Variants in RAP1GAP2 observed in about 807,000 individuals in gnomAD.
RAP1GAP2 encodes the protein RAP1 GTPase activating protein 2.
In RAP1GAP2, 27 loss-of-function variants were observed where a neutral mutation model predicts 95.0. The observed-to-expected ratio is 0.28, with a 90% CI of 0.21 to 0.39. The LOEUF is 0.39. Among genes scored for constraint, RAP1GAP2 ranks in the 10% least tolerant of loss-of-function variants. RAP1GAP2 has a pLI of 1.00. For synonymous variants in RAP1GAP2, 373 were observed against 380.9 expected (o/e 0.98, Z 0.24); for missense variants, 771 against 970.0 (o/e 0.79, Z 2.72).
rs969440141 is a variant in RAP1GAP2, at chr17:2,827,878, C to G, written c.80+27328C>G. Among the ~76,000 whole-genome samples, 1 of 152,092 alleles carries G rather than the reference C, an allele frequency of 6.6e-6. No homozygotes were observed. The highest frequency in any genetic ancestry group is 1.5e-5 in the Non-Finnish European group (1 of 68,016). On this transcript the variant is annotated intron_variant, in intron 2 of 24. Coordinates refer to ENST00000254695, the MANE Select transcript of RAP1GAP2 (RefSeq NM_015085.5). The surrounding 1 kb of genome is among the most constrained non-coding windows in gnomAD (Gnocchi z 4.1). ...TACACGATCGGTTGCAGCAGGCACG[C>G]CAGTGACGGTGGGGGCCCAGGGGGA...
intron 2 of RAP1GAP2, among the ~76,000 whole-genome samples, chr17:2,879,359 A>G (rs1026319356): frequency 6.6e-6 from 1 of 150,502 alleles, no homozygotes; most frequent in Non-Finnish European, 1.5e-5. Flanking sequence ...CAAGTGATCC[A>G]CCCGCCTCGG....
intron 12 of RAP1GAP2, among the ~76,000 whole-genome samples, chr17:2,992,187 G>A (rs1471981870): frequency 6.7e-6 from 1 of 148,746 alleles, no homozygotes; most frequent in Non-Finnish European, 1.5e-5. Flanking sequence ...TTTTGAGATG[G>A]AGTCATGCGC....
chr17:2,967,044 GA>G (rs1242815146), intron 8 of RAP1GAP2, among the ~76,000 whole-genome samples: 1 of 152,126 alleles, frequency 6.6e-6, no homozygotes, highest in East Asian at 1.9e-4. Context: ...GGTGAATATT[GA>G]GAGTTGAACC....
intron 3 of RAP1GAP2, among the ~76,000 whole-genome samples, chr17:2,942,415 T>C (rs1337373959): frequency 6.6e-6 from 1 of 152,202 alleles, no homozygotes; most frequent in Non-Finnish European, 1.5e-5. Context: ...GCTCATAGAA[T>C]GATTACGTTT....
rs968043387 is a variant in RAP1GAP2 at position 3,003,363 on chromosome 17, C to T, written c.1201-2006C>T. On this transcript the variant is annotated intron_variant, in intron 14 of 24. Coordinates refer to ENST00000254695, the MANE Select transcript of RAP1GAP2 (RefSeq NM_015085.5). This position sits in a 1 kb window ranked among gnomAD's most constrained non-coding sequence, Gnocchi z 4.1. ...CAGCTCAGCCATCACCAGGACTACC[C>T]CTTTCCCTCCCCCCTATCCCTGCCT... Among the ~76,000 whole-genome samples, 11 of 151,986 alleles carry T rather than the reference C, an allele frequency of 7.2e-5. No homozygotes were observed. Among genetic ancestry groups the T allele is most frequent in the African/African-American group, 2.4e-4 (10 of 41,288 alleles).
chr17:2,903,204 C>T lies in RAP1GAP2; in HGVS notation c.81-2080C>T, dbSNP rs548267352. Reference sequence around the variant, plus strand: ...GCAGCTGTCATTCTCACCATGGGCCCGAAGAGGACCTGAGGGTGATGCCCT... The same window carrying T: ...GCAGCTGTCATTCTCACCATGGGCCTGAAGAGGACCTGAGGGTGATGCCCT... On this transcript the variant is annotated intron_variant, in intron 2 of 24. Transcript: ENST00000254695. This position sits in a 1 kb window ranked among gnomAD's most constrained non-coding sequence, Gnocchi z 4.1. 5.3e-5 allele frequency among the ~76,000 whole-genome samples: 8 copies of T among 152,248 alleles called. No individual in the cohort carries two copies. Among genetic ancestry groups the T allele is most frequent in the East Asian group, 3.9e-4 (2 of 5,168 alleles).
chr17:2,899,849 T>G (rs1260069085), intron 2 of RAP1GAP2, among the ~76,000 whole-genome samples: 1 of 152,228 alleles, frequency 6.6e-6, no homozygotes, highest in Non-Finnish European at 1.5e-5. Flanking sequence ...TTTGCTTCAT[T>G]TCTTTTTATG....
intron 1 of RAP1GAP2, among the ~76,000 whole-genome samples, chr17:2,790,526 C>T (rs372709201): frequency 1.0e-3 from 154 of 152,286 alleles, no homozygotes; most frequent in African/African-American, 3.5e-3. Flanking sequence ...AGGTCACCTG[C>T]CCCCAGTGAC....
At chr17:3,025,618 C>A (rs76271248) in intron 19 of RAP1GAP2, among the ~76,000 whole-genome samples, 1 of 152,144 alleles carries the variant, frequency 6.6e-6, no homozygotes, top group East Asian at 1.9e-4. Context: ...GTGGTTCCTG[C>A]GGTGGGGGCG....
At chr17:2,921,720 GCCGTTAAGGTGTCAGCAGGA>G (rs1567780951) in intron 3 of RAP1GAP2, among the ~76,000 whole-genome samples, 1 of 152,138 alleles carries the variant, frequency 6.6e-6, no homozygotes, top group Non-Finnish European at 1.5e-5. Flanking sequence ...TGTCCACAGG[GCCGTTAAGGTGTCAGCAGGA>G]CCGTTAAGGT....
intron 3 of RAP1GAP2, among the ~76,000 whole-genome samples, chr17:2,935,868 G>GA (rs2043291737): frequency 6.6e-6 from 1 of 152,128 alleles, no homozygotes; most frequent in Non-Finnish European, 1.5e-5. Context: ...AGCTGCTGGA[G>GA]AAAAACCACA....
intron 1 of RAP1GAP2, among the ~76,000 whole-genome samples, chr17:2,769,762 A>G (rs1174998571): frequency 3.3e-5 from 5 of 151,950 alleles, no homozygotes; most frequent in Non-Finnish European, 7.4e-5. Context: ...GCTTCAGACA[A>G]CTAACTTCTA....
At chr17:2,823,340 T>G (rs990512566) in intron 2 of RAP1GAP2, among the ~76,000 whole-genome samples, 7 of 152,100 alleles carry the variant, frequency 4.6e-5, no homozygotes, top group African/African-American at 1.4e-4. Flanking sequence ...GAACCCAACC[T>G]TTGTCAGGGG....
Position 2,804,586 on chromosome 17 carries a change from C to T in RAP1GAP2, c.80+4036C>T, listed in dbSNP as rs2069435606. ...TAGAATCCGTGGCCGCAGAATGCAC[C>T]TCCGCCTCCACGACACCGTGGGTGA... On this transcript the variant is annotated intron_variant, in intron 2 of 24. Transcript: ENST00000254695. 1.3e-5 allele frequency among the ~76,000 whole-genome samples: 2 copies of T among 152,228 alleles called. 1 individual carries two copies. Among genetic ancestry groups the T allele is most frequent in the South Asian group, 4.1e-4 (2 of 4,834 alleles).
intron 2 of RAP1GAP2, among the ~76,000 whole-genome samples, chr17:2,812,222 G>A (rs2069799745): frequency 2.0e-5 from 3 of 152,166 alleles, no homozygotes; most frequent in Admixed American, 6.5e-5. Context: ...CCCGACCTCA[G>A]TGGCTGGCTG....
Position 2,963,862 on chromosome 17 carries a change from G to A in RAP1GAP2, c.286G>A (p.Glu96Lys), listed in dbSNP as rs763550871. The change falls in exon 7 of 25, where the codon GAG becomes AAG. Residue 96 changes from glutamate to lysine, a missense_variant. Transcript: ENST00000254695. The surrounding 1 kb of genome is among the most constrained non-coding windows in gnomAD (Gnocchi z 4.8). ...IPYPSIDEVV[E>K]KGGPYPQVIL... ...ACCCTCCCTCTGCCTTCAGGTTGTG[G>A]AGAAGGGAGGCCCGTACCCTCAGGT... The A allele has an allele frequency of 9.4e-6, 15 of 1,602,288 alleles. No individual in the cohort carries two copies. Among genetic ancestry groups the A allele is most frequent in the South Asian group, 3.4e-5 (3 of 89,450 alleles).
chr17:2,806,410 T>TTC (rs2069521131), intron 2 of RAP1GAP2, among the ~76,000 whole-genome samples: 1 of 150,182 alleles, frequency 6.7e-6, no homozygotes, highest in Admixed American at 6.7e-5. Flanking sequence ...ATTATTATTT[T>TTC]GAGAGGGAGT....
chr17:2,905,752 C>T (rs1029824503), intron 3 of RAP1GAP2, among the ~76,000 whole-genome samples: 8 of 152,166 alleles, frequency 5.3e-5, no homozygotes, highest in Non-Finnish European at 5.9e-5. Flanking sequence ...GCTGGTCTGC[C>T]GGCCTCTGGC....
intron 16 of RAP1GAP2, among the ~76,000 whole-genome samples, chr17:3,006,653 T>G (rs1323557964): frequency 6.6e-6 from 1 of 151,216 alleles, no homozygotes; most frequent in East Asian, 1.9e-4. Flanking sequence ...CAGGATGGTC[T>G]TGATCTCCTG....
Sources: gnomAD v4.1 joint callset for allele counts (sites outside exome capture counted in the v4.1 genomes callset) on GRCh38, gnomAD v4.1.1 for gene constraint, Gnocchi (gnomAD v3.1) non-coding constraint, MANE v1.5 for transcripts, NCBI Gene and HGNC (gene_info 2026-07-23, HGNC 2026-07-21) for gene names.